Variants in ADGRV1 observed in about 807,000 individuals in gnomAD.
The protein encoded by ADGRV1 is G-protein coupled receptor 98.
In ADGRV1, 359 loss-of-function variants were observed where a neutral mutation model predicts 596.2. The observed-to-expected ratio is 0.60, with a 90% CI of 0.55 to 0.66. The LOEUF is 0.66. ADGRV1 is among the 30% of genes least tolerant of loss of function. The probability of loss-of-function intolerance (pLI) is 0.00; values close to 1 mark genes in which losing one functional copy is unlikely to be tolerated. For synonymous variants in ADGRV1, 2,681 were observed against 2,679.2 expected (o/e 1.00, Z -0.02); for missense variants, 7,274 against 7,575.6 (o/e 0.96, Z 1.48).
In ADGRV1 at chr5:90,802,093, C is replaced by T. The variant is rs368592111; in HGVS notation, c.14518-646C>T. ...TGACACTTTGCCAGAGTGCCCCTTC[C>T]GTTTTCTTGATACTTGATCCTATCA... On this transcript the variant is annotated intron_variant, in intron 70 of 89. Coordinates refer to ENST00000405460, the MANE Select transcript of ADGRV1 (RefSeq NM_032119.4). 1.6e-4 allele frequency among the ~76,000 whole-genome samples: 24 copies of T among 152,286 alleles called. No individual in the cohort carries two copies. The South Asian group carries it at 2.1e-3, about 13-fold the overall frequency.
intron 1 of ADGRV1, among the ~76,000 whole-genome samples, chr5:90,560,383 G>C (rs973930881): frequency 5.3e-5 from 8 of 152,054 alleles, no homozygotes; most frequent in African/African-American, 1.9e-4. Flanking sequence ...CTGCTATGTA[G>C]TGAATTCTTA....
At chr5:91,133,073 T>C (rs548451075) in intron 87 of ADGRV1, among the ~76,000 whole-genome samples, 1 of 152,258 alleles carries the variant, frequency 6.6e-6, no homozygotes, top group African/African-American at 2.4e-5. Context: ...GATAGTGAGA[T>C]TTTTGTCCAA....
In ADGRV1 at chr5:90,756,972, C is replaced by G. The variant is rs1051759853; in HGVS notation, c.11758-7C>G. The G allele has an allele frequency of 1.9e-6, 3 of 1,574,236 alleles. No homozygotes were observed. The highest frequency in any genetic ancestry group is 2.6e-6 in the Non-Finnish European group (3 of 1,161,454). ...TCTTGCCTTTCAATTATATTCTTTA[C>G]TTAAAGGGCGCTGGGGAAGTTATTA... On this transcript the variant is annotated splice_region_variant and splice_polypyrimidine_tract_variant and intron_variant, in intron 56 of 89. Coordinates refer to ENST00000405460, the MANE Select transcript of ADGRV1 (RefSeq NM_032119.4).
chr5:90,593,259 T>C (rs1759764484), intron 1 of ADGRV1, among the ~76,000 whole-genome samples: 1 of 151,986 alleles, frequency 6.6e-6, no homozygotes, highest in South Asian at 2.1e-4. Flanking sequence ...CGCCATGGAA[T>C]ATTATGCAGC....
chr5:90,599,712 G>A (rs1376503187), intron 1 of ADGRV1, among the ~76,000 whole-genome samples: 1 of 151,924 alleles, frequency 6.6e-6, no homozygotes, highest in Non-Finnish European at 1.5e-5. Context: ...ACAAAACATC[G>A]TAGCATACCG....
chr5:90,590,572 C>T lies in ADGRV1; in HGVS notation c.23-24263C>T, dbSNP rs375694090. Among the ~76,000 whole-genome samples the T allele has an allele frequency of 1.2e-4, 18 of 152,270 alleles. No individual in the cohort carries two copies. In the East Asian group the frequency reaches 2.1e-3, roughly 18 times the overall value. Reference sequence around the variant, plus strand: ...GGACTGGGCAGAAACTTCAAAACAACTTAATGACGTAGCTTCAGAAGACCA... The same window carrying T: ...GGACTGGGCAGAAACTTCAAAACAATTTAATGACGTAGCTTCAGAAGACCA... On this transcript the variant is annotated intron_variant, in intron 1 of 89. Transcript: ENST00000405460.
At chr5:91,080,204 T>C (rs1024219108) in intron 86 of ADGRV1, among the ~76,000 whole-genome samples, 1 of 152,232 alleles carries the variant, frequency 6.6e-6, no homozygotes, top group Non-Finnish European at 1.5e-5. Context: ...TTTCAAGTTA[T>C]CTCTTCTAGC....
At position 90,658,660 on chromosome 5, in the gene ADGRV1, T is replaced by G. The variant is rs189577237; in HGVS notation, c.4752+382T>G. On this transcript the variant is annotated intron_variant, in intron 21 of 89. Transcript: ENST00000405460. ...TGAATAATTGTATTTGCAACTTTAT[T>G]AAAATATGATTTTTTGATTTTTTTT... Among the ~76,000 whole-genome samples the G allele has an allele frequency of 3.4e-3, 469 of 139,822 alleles. 1 individual carries two copies. The highest frequency in any genetic ancestry group is 0.013 in the African/African-American group (453 of 35,832). 91.7% of individuals were successfully genotyped at this position (139,822 alleles called of 152,430 possible).
chr5:90,925,290 A>G lies in ADGRV1; in HGVS notation c.17857-40125A>G, dbSNP rs529294006. 7.3e-5 allele frequency among the ~76,000 whole-genome samples: 11 copies of G among 150,184 alleles called. No individual in the cohort carries two copies. In the South Asian group the frequency reaches 2.4e-3, roughly 32 times the overall value. On this transcript the variant is annotated intron_variant, in intron 83 of 89. Coordinates refer to ENST00000405460, the MANE Select transcript of ADGRV1 (RefSeq NM_032119.4). ...ATGGAATGTTCTTCCATTTGTTTGT[A>G]TCCTCTTTTATTTCCTTGAGCAGTG...
chr5:90,756,900 T>G, intron 56 of ADGRV1, 79 bp from the exon 57 acceptor site: 1 of 1,180,424 alleles, frequency 8.5e-7, no homozygotes, highest in South Asian at 1.6e-5. Flanking sequence ...GAAAGTTAAG[T>G]AGAAACAATA....
chr5:90,862,757 T>C (rs569251188), intron 82 of ADGRV1, among the ~76,000 whole-genome samples: 1 of 152,350 alleles, frequency 6.6e-6, no homozygotes, highest in Non-Finnish European at 1.5e-5. Flanking sequence ...TTGTCTACCT[T>C]GTTAAAATTT....
At chr5:90,743,261 T>C (rs10514334) in intron 50 of ADGRV1, among the ~76,000 whole-genome samples, 30,830 of 152,074 alleles carry the variant, frequency 0.2, 3,249 homozygotes, top group East Asian at 0.31. Context: ...ATAGCCTTTT[T>C]ATTGACTGCC....
intron 83 of ADGRV1, among the ~76,000 whole-genome samples, chr5:90,947,340 T>C (rs1488660033): frequency 1.3e-5 from 2 of 151,846 alleles, no homozygotes; most frequent in African/African-American, 4.8e-5. Flanking sequence ...GGGTTTTTTT[T>C]CTCGTAAATT....
chr5:90,559,230 T>C (rs78527458), intron 1 of ADGRV1, among the ~76,000 whole-genome samples: 1 of 152,204 alleles, frequency 6.6e-6, no homozygotes, highest in East Asian at 1.9e-4. Context: ...GAGTTTATTT[T>C]CTTCTTTTTC....
At chr5:91,039,818 G>A (rs6889138) in intron 85 of ADGRV1, among the ~76,000 whole-genome samples, 34,868 of 152,096 alleles carry the variant, frequency 0.23, 4,338 homozygotes, top group Non-Finnish European at 0.28. Context: ...CTGTGAATCA[G>A]CAGGTGTCAA....
chr5:90,787,959 A>C (rs1288796613), intron 67 of ADGRV1, 112 bp from the exon 68 acceptor site: 1 of 644,076 alleles, frequency 1.6e-6, no homozygotes, highest in East Asian at 3.0e-5. Context: ...ATTATCCTAG[A>C]ATAATTTTCC....
chr5:90,564,739 G>C (rs1755366630), intron 1 of ADGRV1, among the ~76,000 whole-genome samples: 1 of 83,252 alleles, frequency 1.2e-5, no homozygotes, highest in Non-Finnish European at 2.3e-5. Flanking sequence ...CCATTCTCCT[G>C]CCTCAGCCTC....
chr5:90,656,178 C>T (rs1159384748), intron 20 of ADGRV1, among the ~76,000 whole-genome samples: 1 of 152,164 alleles, frequency 6.6e-6, no homozygotes, highest in Non-Finnish European at 1.5e-5. Context: ...GAGAATTAGT[C>T]ATAGAAGCAA....
chr5:90,610,699 C>A (rs1174621516), intron 1 of ADGRV1, among the ~76,000 whole-genome samples: 1 of 151,982 alleles, frequency 6.6e-6, no homozygotes, highest in African/African-American at 2.4e-5. Context: ...TATGAGTTTG[C>A]AGTATCACAA....
Sources: allele counts gnomAD v4.1 joint callset (sites outside exome capture counted in the v4.1 genomes callset), GRCh38; gene constraint gnomAD v4.1.1; transcripts MANE v1.5; gene names NCBI Gene and HGNC (gene_info 2026-07-23, HGNC 2026-07-21).